NAPG: variants seen among roughly 807,000 people sequenced by gnomAD.
NAPG encodes the protein NSF attachment protein gamma.
A neutral mutation model predicts 48.4 loss-of-function variants in NAPG; 25 were observed. The ratio of observed to expected loss-of-function variants is 0.52; its 90% CI spans 0.38 to 0.72. The LOEUF (loss-of-function observed/expected upper bound fraction) is 0.72, where lower values mean the gene tolerates loss of function less well. Ranked by LOEUF, NAPG falls within the 30% of genes least tolerant of loss-of-function variation. NAPG has a pLI of 0.00. For synonymous variants in NAPG, 139 were observed against 127.2 expected (o/e 1.09, Z -0.62); for missense variants, 359 against 372.5 (o/e 0.96, Z 0.30).
chr18:10,550,285 TG>T lies in NAPG; in HGVS notation c.*68del, dbSNP rs2032361180. 3.3e-6 allele frequency: 5 copies of T among 1,505,132 alleles called. No homozygotes were observed. Among genetic ancestry groups the T allele is most frequent in the Non-Finnish European group, 4.4e-6 (5 of 1,124,854 alleles). 93.2% of individuals were successfully genotyped at this position (1,505,132 alleles called of 1,614,324 possible). A position where few individuals can be genotyped will look rare whatever the true frequency, so the allele number is the denominator to read the frequency against. On this transcript the variant is annotated 3_prime_UTR_variant, in exon 12 of 12. Transcript: ENST00000322897. ...ATCCTGACATGCCATTTCAAGGACT[TG>T]GGAATAGATTAGGGATATCCGTACT...
At chr18:10,545,367 T>G (rs2032241441) in intron 8 of NAPG, among the ~76,000 whole-genome samples, 1 of 152,208 alleles carries the variant, frequency 6.6e-6, no homozygotes, top group Non-Finnish European at 1.5e-5. Context: ...GCATAACATT[T>G]TTGTATTTTT....
chr18:10,529,305 T>C (rs1346487109), intron 1 of NAPG, among the ~76,000 whole-genome samples: 2 of 152,248 alleles, frequency 1.3e-5, no homozygotes, highest in Non-Finnish European at 2.9e-5. Context: ...TAGATTTGAG[T>C]AGACACACCA....
Position 10,548,830 on chromosome 18 carries a change from G to A in NAPG, c.666-137G>A. ...CGGGATCCCCGGTCTCTGCCCTCTA[G>A]ATGCCACTAGCATTCCCACACTTTT... On this transcript the variant is annotated intron_variant, in intron 10 of 11. Transcript: ENST00000322897. This position sits in a 1 kb window ranked among gnomAD's most constrained non-coding sequence, Gnocchi z 4.4. 6 of 1,089,164 alleles carry A rather than the reference G, an allele frequency of 5.5e-6. No homozygotes were observed. The highest frequency in any genetic ancestry group is 7.7e-6 in the Non-Finnish European group (6 of 774,618). 67.5% of individuals were successfully genotyped at this position (1,089,164 alleles called of 1,614,324 possible).
In NAPG at chr18:10,526,036, C is replaced by A; in HGVS notation, c.-67C>A. The A allele has an allele frequency of 6.7e-7, 1 of 1,497,436 alleles. No homozygotes were observed. The highest frequency in any genetic ancestry group is 9.3e-7 in the Non-Finnish European group (1 of 1,076,666). The allele number at this position is 1,497,436 out of a possible 1,614,324, so 92.8% of individuals were successfully genotyped here. On this transcript the variant is annotated 5_prime_UTR_variant, in exon 1 of 12. Coordinates refer to ENST00000322897, the MANE Select transcript of NAPG (RefSeq NM_003826.3). Reference sequence around the variant, plus strand: ...CTCGGCGTTCCCACGCCTATTTGGGCGGATTCTTGGCGCCGGAGGAAGAGG... The same window carrying A: ...CTCGGCGTTCCCACGCCTATTTGGGAGGATTCTTGGCGCCGGAGGAAGAGG...
intron 9 of NAPG, among the ~76,000 whole-genome samples, chr18:10,547,210 G>T (rs76588395): frequency 0.05 from 7,581 of 152,278 alleles, 545 homozygotes; most frequent in African/African-American, 0.16. Flanking sequence ...CATAGCAAAG[G>T]ATTTGAATTA....
Position 10,551,455 on chromosome 18 carries a change from T to C in NAPG, c.*1235T>C, listed in dbSNP as rs1392375236. ...AATATTTAAAACACCGCACTGCCAA[T>C]ATATTGATCCTTTATAGTTATTTCC... On this transcript the variant is annotated 3_prime_UTR_variant, in exon 12 of 12. Transcript: ENST00000322897. 1 of 152,228 alleles carries C rather than the reference T, an allele frequency of 6.6e-6. No homozygotes were observed. Among genetic ancestry groups the C allele is most frequent in the East Asian group, 1.9e-4 (1 of 5,198 alleles). 9.4% of individuals were successfully genotyped at this position (152,228 alleles called of 1,614,324 possible).
Position 10,550,183 on chromosome 18 carries a change from A to T in NAPG, c.902A>T (p.Asp301Val), listed in dbSNP as rs2032359232. 2 of 1,588,774 alleles carry T rather than the reference A, an allele frequency of 1.3e-6. No individual in the cohort carries two copies. Among genetic ancestry groups the T allele is most frequent in the African/African-American group, 1.4e-5 (1 of 73,052 alleles). ...KPDGVTATAA[D>V]EEEDEYSGGL... The stretch of plus-strand genomic sequence containing the variant: ...GATGGTGTCACTGCCACGGCTGCTG[A>T]TGAAGAGGAAGATGAATACTCAGGA... The change falls in exon 12 of 12, where the codon GAT (aspartate) becomes GTT (valine). Residue 301 changes from aspartate (D) to valine (V), a missense_variant. Asp to Val is a radical substitution (Grantham distance 152, BLOSUM62 -3). Transcript: ENST00000322897.
chr18:10,528,869 G>C (rs749896416), intron 1 of NAPG, among the ~76,000 whole-genome samples: 2 of 152,176 alleles, frequency 1.3e-5, no homozygotes, highest in African/African-American at 4.8e-5. Context: ...TGGGCCAGGA[G>C]CTTAGGAGAT....
rs1953087768 is a variant in NAPG at position 10,544,816 on chromosome 18, C to T, written c.507-1510C>T. Among the ~76,000 whole-genome samples the T allele has an allele frequency of 6.6e-6, 1 of 152,144 alleles. No individual in the cohort carries two copies. The highest frequency in any genetic ancestry group is 2.4e-5 in the African/African-American group (1 of 41,434). ...ACCCAGCTTATAAATTGACTTTGTT[C>T]CAAAAATTTATCAAGTTGACCTGTG... is the stretch of plus-strand genomic sequence containing the variant. On this transcript the variant is annotated intron_variant, in intron 8 of 11. Coordinates refer to ENST00000322897, the MANE Select transcript of NAPG (RefSeq NM_003826.3). This position sits in a 1 kb window ranked among gnomAD's most constrained non-coding sequence, Gnocchi z 5.1.
chr18:10,546,362 A>C lies in NAPG; in HGVS notation c.543A>C (p.Lys181Asn). 1 of 1,578,258 alleles carries C rather than the reference A, an allele frequency of 6.3e-7. No homozygotes were observed. The highest frequency in any genetic ancestry group is 8.6e-7 in the Non-Finnish European group (1 of 1,158,148). Residue 181 changes from lysine (K) to asparagine (N), a missense_variant, in exon 9 of 12, where the codon AAA becomes AAC. Lys to Asn is a moderately conservative substitution (Grantham distance 94). Transcript: ENST00000322897. This position sits in a 1 kb window ranked among gnomAD's most constrained non-coding sequence, Gnocchi z 4.0. ...DEAALSIQKEKNIYKEIENYP... is the reference protein window; with the variant it reads ...DEAALSIQKENNIYKEIENYP... ...CGGCACTCTCTATTCAGAAAGAAAA[A>C]AATATTTATAAGGAAATTGAGAATT...
At chr18:10,533,660 A>G (rs2031975667) in intron 4 of NAPG, 107 bp downstream of exon 4, 1 of 920,062 alleles carries the variant, frequency 1.1e-6, no homozygotes, top group East Asian at 2.8e-5. Flanking sequence ...GTATTGATTT[A>G]AATAATAATC....
Position 10,542,826 on chromosome 18 carries a change from GT to G in NAPG, c.506+2430del, listed in dbSNP as rs1032767109. Among the ~76,000 whole-genome samples the G allele has an allele frequency of 6.6e-6, 1 of 152,144 alleles. No homozygotes were observed. Among genetic ancestry groups the G allele is most frequent in the Admixed American group, 6.5e-5 (1 of 15,288 alleles). ...AGTCAAAATTCAGAAGTGATTCGTAGTTTCATTTAGATTACATCTGGGAAAA... is the reference window on the plus strand; with the variant it reads ...AGTCAAAATTCAGAAGTGATTCGTAGTTCATTTAGATTACATCTGGGAAAA... On this transcript the variant is annotated intron_variant, in intron 8 of 11. Transcript: ENST00000322897. This position sits in a 1 kb window ranked among gnomAD's most constrained non-coding sequence, Gnocchi z 4.5.
In NAPG at chr18:10,548,416, G is replaced by A. The variant is rs752519310; in HGVS notation, c.665+38G>A. ...CTGGGCCCTCTTGACTTGCAGTGGC[G>A]ACACCTCTGTGTCTACAACTAAGAT... On this transcript the variant is annotated intron_variant, in intron 10 of 11. Transcript: ENST00000322897. This position sits in a 1 kb window ranked among gnomAD's most constrained non-coding sequence, Gnocchi z 4.4. 4.3e-5 allele frequency: 65 copies of A among 1,497,588 alleles called. No homozygotes were observed. The highest frequency in any genetic ancestry group is 6.9e-5 in the African/African-American group (5 of 72,396). The allele number at this position is 1,497,588 out of a possible 1,614,324, so 92.8% of individuals were successfully genotyped here.
chr18:10,527,258 T>A (rs1369738710), intron 1 of NAPG, among the ~76,000 whole-genome samples: 1 of 150,896 alleles, frequency 6.6e-6, no homozygotes, highest in Non-Finnish European at 1.5e-5. Context: ...CATACATAAT[T>A]TCATAAGCTG....
intron 2 of NAPG, among the ~76,000 whole-genome samples, chr18:10,531,852 T>G (rs1415807496): frequency 1.3e-5 from 2 of 152,200 alleles, no homozygotes; most frequent in Non-Finnish European, 2.9e-5. Flanking sequence ...ATTTTCCCCC[T>G]GAAGCATCCT....
intron 3 of NAPG, chr18:10,533,080 T>G (rs1360008063): frequency 3.0e-6 from 1 of 330,932 alleles, no homozygotes; most frequent in East Asian, 5.3e-5. Flanking sequence ...TGTAGACATG[T>G]GCTGAAGAAT....
rs1419636435 is a variant in NAPG at position 10,546,991 on chromosome 18, A to C, written c.585+587A>C. Among the ~76,000 whole-genome samples, 1 of 152,204 alleles carries C rather than the reference A, an allele frequency of 6.6e-6. No individual in the cohort carries two copies. Among genetic ancestry groups the C allele is most frequent in the Non-Finnish European group, 1.5e-5 (1 of 68,040 alleles). On this transcript the variant is annotated intron_variant, in intron 9 of 11. Coordinates refer to ENST00000322897, the MANE Select transcript of NAPG (RefSeq NM_003826.3). The surrounding 1 kb of genome is among the most constrained non-coding windows in gnomAD (Gnocchi z 4.0). The stretch of plus-strand genomic sequence containing the variant: ...AACTAGGAAAATGAGCTAGAGAGCA[A>C]GGAGAAAATTCCGGAAAGGAGAGAG...
At chr18:10,526,295 C>G (rs953160359) in intron 1 of NAPG, 137 bp downstream of exon 1, 5 of 834,732 alleles carry the variant, frequency 6.0e-6, no homozygotes, top group East Asian at 2.7e-5. Context: ...GCAGGGCTGC[C>G]GGGGCTCGGT....
At chr18:10,536,367 A>G (rs1013820956) in intron 5 of NAPG, among the ~76,000 whole-genome samples, 3 of 152,176 alleles carry the variant, frequency 2.0e-5, no homozygotes, top group Admixed American at 6.5e-5. Context: ...TTGTCATACA[A>G]ACCTTCACAC....
Sources: allele counts gnomAD v4.1 joint callset (sites outside exome capture counted in the v4.1 genomes callset), GRCh38; gene constraint gnomAD v4.1.1; non-coding constraint Gnocchi (gnomAD v3.1); transcripts MANE v1.5; gene names NCBI Gene and HGNC (gene_info 2026-07-23, HGNC 2026-07-21).